Variants in GRID2 observed in about 807,000 individuals in gnomAD.
GRID2 encodes the protein glutamate ionotropic receptor delta type subunit 2.
Under a neutral mutation model 114.8 loss-of-function variants are expected in GRID2, and 33 were observed. The ratio of observed to expected loss-of-function variants is 0.29; its 90% confidence interval spans 0.22 to 0.38. The LOEUF is 0.38. GRID2 is among the 10% of genes least tolerant of loss of function. The pLI is 1.00. For synonymous variants in GRID2, 505 were observed against 449.9 expected, an observed-to-expected ratio of 1.12 and a Z score of -1.55; for missense variants, 1,184 against 1,257.7, an observed-to-expected ratio of 0.94 and a Z score of 0.89.
chr4:92,732,637 G>A (rs539421962), intron 2 of GRID2, among the ~76,000 whole-genome samples: 5 of 152,116 alleles, frequency 3.3e-5, no homozygotes, highest in African/African-American at 1.2e-4. Flanking sequence ...TGCTCAGTCT[G>A]CAGCCTTTTA....
At chr4:93,163,046 A>T (rs562893045) in intron 4 of GRID2, among the ~76,000 whole-genome samples, 29 of 152,048 alleles carry the variant, frequency 1.9e-4, no homozygotes, top group Non-Finnish European at 3.7e-4. Flanking sequence ...ACATCTTGGA[A>T]GTATCCTCTT....
At chr4:92,693,047 A>G (rs937972624) in intron 2 of GRID2, among the ~76,000 whole-genome samples, 2 of 151,444 alleles carry the variant, frequency 1.3e-5, no homozygotes, top group African/African-American at 4.8e-5. Flanking sequence ...AAGAAAAGAA[A>G]GAAATGCAGA....
At chr4:92,922,372 A>C (rs555850078) in intron 2 of GRID2, among the ~76,000 whole-genome samples, 1 of 152,038 alleles carries the variant, frequency 6.6e-6, no homozygotes, top group Non-Finnish European at 1.5e-5. Context: ...CTGTCCGACA[A>C]TCCCCAGTGA....
chr4:92,545,283 A>G (rs1213046010), intron 1 of GRID2, among the ~76,000 whole-genome samples: 2 of 152,178 alleles, frequency 1.3e-5, no homozygotes, highest in Non-Finnish European at 2.9e-5. Context: ...GCACTGCACA[A>G]TAGAGAAAAA....
intron 10 of GRID2, among the ~76,000 whole-genome samples, chr4:93,444,223 T>C (rs1303956974): frequency 6.6e-6 from 1 of 151,928 alleles, no homozygotes; most frequent in Non-Finnish European, 1.5e-5. Flanking sequence ...GTTCAGAGAC[T>C]AGTGAAAACA....
At chr4:93,263,470 T>C (rs183941065) in intron 8 of GRID2, among the ~76,000 whole-genome samples, 1 of 152,158 alleles carries the variant, frequency 6.6e-6, no homozygotes, top group Admixed American at 6.6e-5. Context: ...AAGTGGACAT[T>C]TTTTCCAAAA....
intron 2 of GRID2, among the ~76,000 whole-genome samples, chr4:92,788,133 G>T (rs1739409156): frequency 6.6e-6 from 1 of 151,724 alleles, no homozygotes; most frequent in African/African-American, 2.4e-5. Context: ...AACATTGATG[G>T]AGAAGAGGGG....
chr4:92,961,329 T>C (rs1229571160), intron 2 of GRID2, among the ~76,000 whole-genome samples: 1 of 151,670 alleles, frequency 6.6e-6, no homozygotes, highest in African/African-American at 2.4e-5. Context: ...CTGAAGTTCT[T>C]CTTTTGGGGT....
intron 2 of GRID2, among the ~76,000 whole-genome samples, chr4:92,938,711 C>T (rs1402190101): frequency 1.4e-5 from 2 of 144,654 alleles, no homozygotes; most frequent in Non-Finnish European, 3.0e-5. Context: ...CTATCCCTCC[C>T]CCCAGCCCCC....
chr4:93,800,402 C>G (rs935325431), intron 1 of GRID2, among the ~76,000 whole-genome samples: 1 of 152,038 alleles, frequency 6.6e-6, no homozygotes, highest in Admixed American at 6.5e-5. Context: ...AAGTTTGGAT[C>G]GAACAATTTG....
intron 14 of GRID2, among the ~76,000 whole-genome samples, chr4:93,760,567 G>T (rs901074838): frequency 6.6e-6 from 1 of 152,164 alleles, no homozygotes; most frequent in African/African-American, 2.4e-5. Context: ...GCAGTGGGGA[G>T]CTGGGCAGAC....
intron 2 of GRID2, among the ~76,000 whole-genome samples, chr4:92,857,857 T>A (rs1744278275): frequency 6.6e-6 from 1 of 152,186 alleles, no homozygotes; most frequent in African/African-American, 2.4e-5. Context: ...ACAGGCTGAC[T>A]CTCTTGTTAT....
intron 14 of GRID2, among the ~76,000 whole-genome samples, chr4:93,664,675 A>G (rs1374713629): frequency 1.3e-5 from 2 of 152,174 alleles, no homozygotes; most frequent in African/African-American, 2.4e-5. Flanking sequence ...TGGGAGATCA[A>G]TTCTGGACGT....
At chr4:92,528,496 T>C (rs1048765701) in intron 1 of GRID2, among the ~76,000 whole-genome samples, 3 of 151,910 alleles carry the variant, frequency 2.0e-5, no homozygotes, top group African/African-American at 7.2e-5. Flanking sequence ...TTCAAAATTA[T>C]TAGGACATAA....
chr4:93,241,695 C>T (rs540609660), intron 8 of GRID2, among the ~76,000 whole-genome samples: 81 of 151,368 alleles, frequency 5.4e-4, no homozygotes, highest in Non-Finnish European at 9.6e-4. Context: ...GCAAAGCATC[C>T]AGAACCATGT....
chr4:93,241,442 C>T (rs1433655), intron 8 of GRID2, among the ~76,000 whole-genome samples: 96,364 of 151,454 alleles, frequency 0.64, 30,915 homozygotes, highest in Middle Eastern at 0.77. Context: ...ATATTTATAA[C>T]TAACTTAGAT....
chr4:92,810,793 T>C (rs1740630178), intron 2 of GRID2, among the ~76,000 whole-genome samples: 1 of 152,090 alleles, frequency 6.6e-6, no homozygotes, highest in South Asian at 2.1e-4. Flanking sequence ...TCGTACTTAT[T>C]TATTTATTTT....
At position 92,600,044 on chromosome 4, in the gene GRID2, G is replaced by GTATATATATA. The variant is rs70942915; in HGVS notation, c.244+9794_244+9803dup. Among the ~76,000 whole-genome samples, 356 of 54,378 alleles carry GTATATATATA rather than the reference G, an allele frequency of 6.5e-3. 5 individuals are homozygous for GTATATATATA. Among genetic ancestry groups the GTATATATATA allele is most frequent in the Non-Finnish European group, 7.7e-3 (222 of 28,996 alleles). 35.7% of individuals were successfully genotyped at this position (54,378 alleles called of 152,430 possible). On this transcript the variant is annotated intron_variant, in intron 2 of 15. Coordinates refer to ENST00000282020, the MANE Select transcript of GRID2 (RefSeq NM_001510.4). ...CATGTATGTGTGTGTGTGTGTGTGTGTATATATATATATATATATATATAT... is the reference window on the plus strand; with the variant it reads ...CATGTATGTGTGTGTGTGTGTGTGTGTATATATATATATATATATATATATATATATATAT...
chr4:93,445,982 A>G (rs2149398169), intron 10 of GRID2, among the ~76,000 whole-genome samples: 1 of 152,130 alleles, frequency 6.6e-6, no homozygotes, highest in Non-Finnish European at 1.5e-5. Flanking sequence ...GAATTGGCAG[A>G]TTTCAAAAAA....
Sources: allele counts gnomAD v4.1 joint callset (sites outside exome capture counted in the v4.1 genomes callset), GRCh38; gene constraint gnomAD v4.1.1; transcripts MANE v1.5; gene names NCBI Gene and HGNC (gene_info 2026-07-23, HGNC 2026-07-21).